Variants in MARCHF6 observed in about 807,000 individuals in gnomAD.
MARCHF6 encodes E3 ubiquitin-protein ligase MARCHF6.
MARCHF6 carries 31 observed loss-of-function variants against 133.7 expected under a neutral mutation model. The observed-to-expected ratio is 0.23, with a 90% CI of 0.17 to 0.31. The LOEUF is 0.31. Ranked by LOEUF, MARCHF6 falls within the 10% of genes least tolerant of loss-of-function variation. MARCHF6 has a pLI of 1.00. For missense variants in MARCHF6, 723 were observed against 1,121.6 expected, an observed-to-expected ratio of 0.64 and a Z score of 5.08; for synonymous variants, 395 against 402.5, an observed-to-expected ratio of 0.98 and a Z score of 0.22.
At chr5:10,400,169 A>G (rs1371593113) in intron 10 of MARCHF6, among the ~76,000 whole-genome samples, 1 of 152,188 alleles carries the variant, frequency 6.6e-6, no homozygotes, top group African/African-American at 2.4e-5. Flanking sequence ...CCATTATAAA[A>G]TAATCTGTTG....
intron 11 of MARCHF6, 23 bp downstream of exon 11, chr5:10,400,865 GTTACTTTCATTCA>G (rs1202416149): frequency 3.2e-6 from 5 of 1,556,746 alleles, no homozygotes; most frequent in Non-Finnish European, 4.4e-6. Flanking sequence ...CTTTTACAAA[GTTACTTTCATTCA>G]TTACTCCCAA....
Position 10,430,413 on chromosome 5 carries a change from C to T in MARCHF6, c.2642+385C>T, listed in dbSNP as rs528014776. Among the ~76,000 whole-genome samples the T allele has an allele frequency of 8.1e-5, 12 of 147,680 alleles. No individual in the cohort carries two copies. In the East Asian group the frequency reaches 8.5e-4, roughly 10 times the overall value. On this transcript the variant is annotated intron_variant, in intron 25 of 25. Transcript: ENST00000274140. ...CTCCACCTCCCAGGTTCAAGCGATT[C>T]TCCTGCCTCAGCCTCCCAAGTAGCT...
chr5:10,423,412 A>G (rs1371316374), intron 22 of MARCHF6, among the ~76,000 whole-genome samples: 1 of 152,256 alleles, frequency 6.6e-6, no homozygotes, highest in Admixed American at 6.5e-5. Flanking sequence ...AATAGCCTAA[A>G]GATAGTTTGA....
At chr5:10,378,650 ACT>A in intron 2 of MARCHF6, 107 bp from the exon 3 acceptor site, 1 of 684,140 alleles carries the variant, frequency 1.5e-6, no homozygotes, top group Non-Finnish European at 2.4e-6. Context: ...AAATTTTGAA[ACT>A]AAAAGCTCTG....
intron 1 of MARCHF6, among the ~76,000 whole-genome samples, chr5:10,360,784 T>C (rs1735774659): frequency 6.6e-6 from 1 of 152,226 alleles, no homozygotes; most frequent in African/African-American, 2.4e-5. Flanking sequence ...CATGACTGGC[T>C]GTGTCCATTC....
intron 4 of MARCHF6, among the ~76,000 whole-genome samples, chr5:10,384,522 G>A (rs113600311): frequency 6.6e-5 from 10 of 152,220 alleles, no homozygotes; most frequent in Admixed American, 6.5e-5. Flanking sequence ...TGTGGGTTCT[G>A]CAATGCTGAC....
intron 1 of MARCHF6, among the ~76,000 whole-genome samples, chr5:10,366,788 A>C (rs910866465): frequency 6.6e-6 from 1 of 152,114 alleles, no homozygotes; most frequent in Non-Finnish European, 1.5e-5. Context: ...AGATGTACCT[A>C]ATCACAAGAA....
chr5:10,424,448 C>T (rs1465559079), intron 23 of MARCHF6, among the ~76,000 whole-genome samples: 2 of 152,164 alleles, frequency 1.3e-5, no homozygotes, highest in Admixed American at 6.5e-5. Flanking sequence ...AGAGGGAGGA[C>T]GGAAAGTTTT....
At chr5:10,368,971 A>G (rs1175876384) in intron 1 of MARCHF6, among the ~76,000 whole-genome samples, 1 of 151,996 alleles carries the variant, frequency 6.6e-6, no homozygotes, top group Non-Finnish European at 1.5e-5. Flanking sequence ...AAAAAAAAAA[A>G]AAAATTTCCA....
chr5:10,361,754 A>T lies in MARCHF6; in HGVS notation c.19+7837A>T, dbSNP rs186872274. On this transcript the variant is annotated intron_variant, in intron 1 of 25. Coordinates refer to ENST00000274140, the MANE Select transcript of MARCHF6 (RefSeq NM_005885.4). ...CTGTACACTTATTTTTTATAACTTA[A>T]CTTCATTATAATATCTTTTTTTTTT... is the stretch of plus-strand genomic sequence containing the variant. Among the ~76,000 whole-genome samples the T allele has an allele frequency of 5.9e-5, 9 of 151,756 alleles. No individual in the cohort carries two copies. In the East Asian group the frequency reaches 1.7e-3, roughly 29 times the overall value.
intron 5 of MARCHF6, among the ~76,000 whole-genome samples, chr5:10,389,100 C>G (rs1162675594): frequency 1.3e-5 from 2 of 151,950 alleles, no homozygotes; most frequent in African/African-American, 4.9e-5. Flanking sequence ...TGACCCTTCT[C>G]AGGTTTTCTA....
At chr5:10,404,754 G>A (rs1167343095) in intron 15 of MARCHF6, among the ~76,000 whole-genome samples, 2 of 152,214 alleles carry the variant, frequency 1.3e-5, no homozygotes, top group Admixed American at 6.5e-5. Context: ...GAGGGGTCAG[G>A]GACCAAAGCA....
intron 1 of MARCHF6, among the ~76,000 whole-genome samples, chr5:10,366,283 A>T (rs1434559274): frequency 6.6e-6 from 1 of 152,220 alleles, no homozygotes; most frequent in Non-Finnish European, 1.5e-5. Flanking sequence ...CACCATTTAT[A>T]TAGCCGCTTC....
chr5:10,412,360 G>A (rs996286677), intron 19 of MARCHF6, among the ~76,000 whole-genome samples: 1 of 152,210 alleles, frequency 6.6e-6, no homozygotes, highest in Non-Finnish European at 1.5e-5. Context: ...TCATGCTGGT[G>A]TTTACAGTGG....
chr5:10,404,884 G>C (rs917753444), intron 15 of MARCHF6, among the ~76,000 whole-genome samples: 4 of 152,206 alleles, frequency 2.6e-5, no homozygotes, highest in Non-Finnish European at 4.4e-5. Flanking sequence ...TCTTAAAAAT[G>C]TAATTATATG....
At chr5:10,388,629 G>C (rs1020718722) in intron 5 of MARCHF6, among the ~76,000 whole-genome samples, 2 of 152,160 alleles carry the variant, frequency 1.3e-5, no homozygotes, top group Admixed American at 1.3e-4. Flanking sequence ...AATGATCTAA[G>C]ATGGTTTGTC....
At chr5:10,363,382 A>G (rs1735942728) in intron 1 of MARCHF6, among the ~76,000 whole-genome samples, 1 of 152,238 alleles carries the variant, frequency 6.6e-6, no homozygotes, top group Non-Finnish European at 1.5e-5. Flanking sequence ...TAAAAAATAC[A>G]TGTACATGGC....
chr5:10,356,734 G>C (rs1042521827), intron 1 of MARCHF6, among the ~76,000 whole-genome samples: 1 of 152,064 alleles, frequency 6.6e-6, no homozygotes, highest in African/African-American at 2.4e-5. Flanking sequence ...AATATTCTGA[G>C]CAAAGAGATT....
chr5:10,434,988 A>C lies in MARCHF6; in HGVS notation c.*1304A>C, dbSNP rs892870258. Reference sequence around the variant, plus strand: ...CAGGTTAGAAGTTTAGAAAAATAGAATGGTTGGGTACATGATCTAAATGTT... The same window carrying C: ...CAGGTTAGAAGTTTAGAAAAATAGACTGGTTGGGTACATGATCTAAATGTT... On this transcript the variant is annotated 3_prime_UTR_variant, in exon 26 of 26. Transcript: ENST00000274140. 6.6e-6 allele frequency: 1 copy of C among 152,622 alleles called. No homozygotes were observed. Among genetic ancestry groups the C allele is most frequent in the Non-Finnish European group, 1.5e-5 (1 of 68,040 alleles). 9.5% of individuals were successfully genotyped at this position (152,622 alleles called of 1,614,324 possible).
Sources: gnomAD v4.1 joint callset for allele counts (sites outside exome capture counted in the v4.1 genomes callset) on GRCh38, gnomAD v4.1.1 for gene constraint, MANE v1.5 for transcripts, NCBI Gene and HGNC (gene_info 2026-07-23, HGNC 2026-07-21) for gene names.